PREP: variants seen among roughly 807,000 people sequenced by gnomAD.
The protein encoded by PREP is prolyl endopeptidase.
Under a neutral mutation model 87.6 loss-of-function variants are expected in PREP, and 29 were observed. That is an observed-to-expected ratio of 0.33 (90% CI 0.25 to 0.45). The LOEUF is 0.45. Ranked by LOEUF, PREP falls within the 20% of genes least tolerant of loss-of-function variation. PREP has a pLI of 1.00. For missense variants in PREP, 695 were observed against 886.5 expected (o/e 0.78, Z 2.74); for synonymous variants, 337 against 328.6 (o/e 1.03, Z -0.28).
At position 105,368,794 on chromosome 6, in the gene PREP, C is replaced by G. The variant is rs1772460707; in HGVS notation, c.717+109G>C. On this transcript the variant is annotated intron_variant, in intron 6 of 14. Coordinates refer to ENST00000652536, the MANE Select transcript of PREP (RefSeq NM_002726.5). ...CCAATATTTTTAACAAAAGAATATT[C>G]ACTCATGGGACTTCTGCCATCCATA... The G allele has an allele frequency of 2.3e-6, 3 of 1,288,292 alleles. No individual in the cohort carries two copies. The East Asian group carries it at 7.0e-5, about 30-fold the overall frequency. The allele number at this position is 1,288,292 out of a possible 1,614,324, so 79.8% of individuals were successfully genotyped here.
chr6:105,333,207 A>C (rs1771383792), intron 8 of PREP, 107 bp downstream of exon 8: 5 of 1,073,336 alleles, frequency 4.7e-6, no homozygotes, highest in Non-Finnish European at 6.9e-6. Flanking sequence ...TTACAGGTTG[A>C]AGGTTTTTTA....
intron 4 of PREP, among the ~76,000 whole-genome samples, chr6:105,374,732 T>C (rs1772646296): frequency 7.1e-6 from 1 of 140,854 alleles, no homozygotes; most frequent in South Asian, 2.3e-4. Context: ...AACATTTTGA[T>C]TTGAAAAGTA....
At chr6:105,378,763 A>G (rs1772758713) in intron 2 of PREP, among the ~76,000 whole-genome samples, 1 of 152,262 alleles carries the variant, frequency 6.6e-6, no homozygotes. Flanking sequence ...ATGTCTATAA[A>G]TAAGTAAATC....
At chr6:105,386,072 A>G (rs1451897974) in intron 2 of PREP, among the ~76,000 whole-genome samples, 2 of 152,256 alleles carry the variant, frequency 1.3e-5, no homozygotes, top group African/African-American at 4.8e-5. Flanking sequence ...GTGAGCCGAG[A>G]TAGCACCATT....
At chr6:105,290,875 A>G (rs78074821) in intron 10 of PREP, among the ~76,000 whole-genome samples, 2,804 of 152,344 alleles carry the variant, frequency 0.018, 86 homozygotes, top group African/African-American at 0.065. Context: ...TGTGAAGATG[A>G]CTTAATTGTG....
Position 105,278,001 on chromosome 6 carries a change from C to T in PREP, c.*143G>A. The T allele has an allele frequency of 2.6e-6, 3 of 1,149,748 alleles. No homozygotes were observed. The highest frequency in any genetic ancestry group is 3.7e-6 in the Non-Finnish European group (3 of 813,474). The allele number at this position is 1,149,748 out of a possible 1,614,324, so 71.2% of individuals were successfully genotyped here. The stretch of plus-strand genomic sequence containing the variant: ...AGAAGCCTAAAAAAGATAAAATTCC[C>T]ACGGCAGTTCTGTTCAACTGTAGCC... On this transcript the variant is annotated 3_prime_UTR_variant, in exon 15 of 15. Coordinates refer to ENST00000652536, the MANE Select transcript of PREP (RefSeq NM_002726.5). The surrounding 1 kb of genome is among the most constrained non-coding windows in gnomAD (Gnocchi z 4.2).
intron 2 of PREP, among the ~76,000 whole-genome samples, chr6:105,389,968 T>C (rs1033665873): frequency 4.6e-5 from 7 of 152,156 alleles, no homozygotes; most frequent in Non-Finnish European, 2.9e-5. Context: ...AAGCAGACGT[T>C]TTCCTACACA....
At chr6:105,363,042 A>G (rs1249579450) in intron 6 of PREP, among the ~76,000 whole-genome samples, 2 of 152,156 alleles carry the variant, frequency 1.3e-5, no homozygotes, top group Non-Finnish European at 2.9e-5. Context: ...CACACTTTAT[A>G]TGTTAATATA....
rs78723131 is a variant in PREP, at chr6:105,363,159, A to G, written c.717+5744T>C. Among the ~76,000 whole-genome samples the G allele has an allele frequency of 3.5e-3, 526 of 152,326 alleles. 26 individuals are homozygous for G. The East Asian group carries it at 0.091, about 26-fold the overall frequency. On this transcript the variant is annotated intron_variant, in intron 6 of 14. Transcript: ENST00000652536. ...GATTCAGGATTACTTTTGAAAAAAA[A>G]ACTTTTCAAGAATTAGGTATAACAG...
intron 10 of PREP, among the ~76,000 whole-genome samples, chr6:105,302,182 GC>G (rs1279539373): frequency 6.6e-6 from 1 of 152,174 alleles, no homozygotes; most frequent in Non-Finnish European, 1.5e-5. Flanking sequence ...ACACGCGGAG[GC>G]CCAGAGAAAG....
At chr6:105,372,278 G>C (rs1041094608) in intron 5 of PREP, among the ~76,000 whole-genome samples, 2 of 152,092 alleles carry the variant, frequency 1.3e-5, no homozygotes, top group Non-Finnish European at 2.9e-5. Context: ...ATGATAAGGG[G>C]ACAACAGGTA....
At chr6:105,381,797 C>A (rs1478066137) in intron 2 of PREP, among the ~76,000 whole-genome samples, 1 of 152,172 alleles carries the variant, frequency 6.6e-6, no homozygotes, top group Non-Finnish European at 1.5e-5. Context: ...TTCTAGAGAT[C>A]TGCTGTACAA....
At chr6:105,376,580 A>G (rs113691432) in intron 3 of PREP, among the ~76,000 whole-genome samples, 5 of 152,354 alleles carry the variant, frequency 3.3e-5, no homozygotes, top group African/African-American at 9.6e-5. Flanking sequence ...TAAATGAAGA[A>G]GAAAGCAGAC....
At chr6:105,329,598 AT>A (rs1483708120) in intron 8 of PREP, among the ~76,000 whole-genome samples, 3 of 152,254 alleles carry the variant, frequency 2.0e-5, no homozygotes, top group Non-Finnish European at 2.9e-5. Context: ...CTGCCTTCCT[AT>A]TTTGTGCCTA....
intron 10 of PREP, among the ~76,000 whole-genome samples, chr6:105,303,995 T>C (rs1434309199): frequency 1.3e-5 from 2 of 152,246 alleles, no homozygotes; most frequent in African/African-American, 2.4e-5. Flanking sequence ...CAAGCACTAG[T>C]CTAAGGGCTT....
intron 12 of PREP, among the ~76,000 whole-genome samples, chr6:105,283,653 A>T (rs1770127102): frequency 6.6e-6 from 1 of 152,220 alleles, no homozygotes; most frequent in African/African-American, 2.4e-5. Context: ...AAAGTCAATT[A>T]ACAGAATGGA....
At position 105,337,985 on chromosome 6, in the gene PREP, A is replaced by G. The variant is rs927052772; in HGVS notation, c.824-4480T>C. Among the ~76,000 whole-genome samples, 6 of 151,084 alleles carry G rather than the reference A, an allele frequency of 4.0e-5. 1 individual carries two copies. In the East Asian group the frequency reaches 9.6e-4, roughly 24 times the overall value. On this transcript the variant is annotated intron_variant, in intron 7 of 14. Coordinates refer to ENST00000652536, the MANE Select transcript of PREP (RefSeq NM_002726.5). Reference sequence around the variant, plus strand: ...TCAAAGGTAATTCATCTTGGTGTACATAAAACAATGCTTTAAAAAAAAATC... The same window carrying G: ...TCAAAGGTAATTCATCTTGGTGTACGTAAAACAATGCTTTAAAAAAAAATC...
At chr6:105,305,853 T>TG (rs200447214) in intron 10 of PREP, among the ~76,000 whole-genome samples, 3,458 of 143,072 alleles carry the variant, frequency 0.024, 121 homozygotes, top group African/African-American at 0.1. Context: ...TCTTTTTTTT[T>TG]TGGGGGGGAC....
intron 7 of PREP, among the ~76,000 whole-genome samples, chr6:105,336,997 T>C (rs77417775): frequency 0.079 from 11,972 of 152,194 alleles, 571 homozygotes; most frequent in East Asian, 0.19. Flanking sequence ...AAGTTCTACT[T>C]AGTCATTTTC....
Sources: allele counts gnomAD v4.1 joint callset (sites outside exome capture counted in the v4.1 genomes callset), GRCh38; gene constraint gnomAD v4.1.1; non-coding constraint Gnocchi (gnomAD v3.1); transcripts MANE v1.5; gene names NCBI Gene and HGNC (gene_info 2026-07-23, HGNC 2026-07-21).